Variants in ACADSB observed in about 807,000 individuals in gnomAD.
ACADSB encodes short/branched chain specific acyl-CoA dehydrogenase, mitochondrial.
In ACADSB, 40 loss-of-function variants were observed where a neutral mutation model predicts 54.1. That is an observed-to-expected ratio of 0.74 (90% CI 0.57 to 0.96). The LOEUF (loss-of-function observed/expected upper bound fraction) is 0.96, where lower values mean the gene tolerates loss of function less well. Among genes scored for constraint, ACADSB ranks in the 40% least tolerant of loss-of-function variants. The pLI is 0.00. For synonymous variants in ACADSB, 182 were observed against 182.8 expected (o/e 1.00, Z 0.03); for missense variants, 530 against 510.4 (o/e 1.04, Z -0.37).
At chr10:123,019,864 C>G (rs1850161462) in intron 1 of ACADSB, among the ~76,000 whole-genome samples, 1 of 152,182 alleles carries the variant, frequency 6.6e-6, no homozygotes, top group African/African-American at 2.4e-5. Context: ...CCCCTAACCT[C>G]CTGTCCTGGT....
chr10:123,044,918 A>G (rs981843496), intron 7 of ACADSB, among the ~76,000 whole-genome samples: 2 of 151,792 alleles, frequency 1.3e-5, no homozygotes, highest in Non-Finnish European at 2.9e-5. Context: ...ACTGTTTTGC[A>G]TGTGAAAACT....
At position 123,044,313 on chromosome 10, in the gene ACADSB, C is replaced by T. The variant is rs1487254377; in HGVS notation, c.808-80C>T. The T allele has an allele frequency of 6.6e-6, 8 of 1,213,788 alleles. No individual in the cohort carries two copies. In the Admixed American group the frequency reaches 1.4e-4, roughly 21 times the overall value. 75.2% of individuals were successfully genotyped at this position (1,213,788 alleles called of 1,614,324 possible). On this transcript the variant is annotated intron_variant, in intron 6 of 10. Transcript: ENST00000358776. ...GAGGGCTAGCACACGAATTGAGAGT[C>T]TATGTGTACTTACAAATATATAATC...
In ACADSB at chr10:123,050,944, G is replaced by A. The variant is rs901820261; in HGVS notation, c.991-105G>A. 11 of 1,177,214 alleles carry A rather than the reference G, an allele frequency of 9.3e-6. 1 individual carries two copies. The East Asian group carries it at 1.5e-4, about 16-fold the overall frequency. The allele number at this position is 1,177,214 out of a possible 1,614,324, so 72.9% of individuals were successfully genotyped here. On this transcript the variant is annotated intron_variant, in intron 8 of 10. Transcript: ENST00000358776. ...GACGTGAATGTAAATTTCCTTTGGG[G>A]TGTATTTTGAGTCTGTCAGTGTTGT...
At chr10:123,031,805 G>A (rs976787388) in intron 1 of ACADSB, among the ~76,000 whole-genome samples, 2 of 152,012 alleles carry the variant, frequency 1.3e-5, no homozygotes, top group African/African-American at 2.4e-5. Context: ...AAGTACAATT[G>A]TCTCTGTTAT....
chr10:123,021,691 T>C (rs1201358115), intron 1 of ACADSB, among the ~76,000 whole-genome samples: 2 of 152,234 alleles, frequency 1.3e-5, no homozygotes, highest in African/African-American at 2.4e-5. Context: ...GCCAATCTGC[T>C]AATTGGATTA....
At chr10:123,022,578 T>C (rs1850196996) in intron 1 of ACADSB, among the ~76,000 whole-genome samples, 2 of 152,242 alleles carry the variant, frequency 1.3e-5, no homozygotes, top group African/African-American at 4.8e-5. Flanking sequence ...AATCTGTGAT[T>C]TGAGCTAACT....
intron 6 of ACADSB, 35 bp from the exon 7 acceptor site, chr10:123,044,358 G>A (rs1294035565): frequency 2.7e-6 from 4 of 1,507,498 alleles, no homozygotes; most frequent in Non-Finnish European, 3.7e-6. Flanking sequence ...CATGGAAAAT[G>A]AAACTGAGAA....
rs1324406399 is a variant in ACADSB at position 123,029,370 on chromosome 10, AAAG to A, written c.43-4983_43-4981del. Among the ~76,000 whole-genome samples, 3 of 152,148 alleles carry A rather than the reference AAAG, an allele frequency of 2.0e-5. No individual in the cohort carries two copies. The East Asian group carries it at 5.8e-4, about 29-fold the overall frequency. ...CAAAAAAAAAGAGAAGAAAAAAAAA[AAAG>A]AAAGAAAACAATGCTAACACAGAAC... On this transcript the variant is annotated intron_variant, in intron 1 of 10. Coordinates refer to ENST00000358776, the MANE Select transcript of ACADSB (RefSeq NM_001609.4).
intron 3 of ACADSB, among the ~76,000 whole-genome samples, chr10:123,039,736 T>C (rs1422981675): frequency 6.6e-6 from 1 of 152,234 alleles, no homozygotes; most frequent in Non-Finnish European, 1.5e-5. Context: ...TCTGTTTCCT[T>C]ATTACATTGA....
In ACADSB at chr10:123,041,262, G is replaced by A; in HGVS notation, c.564G>A (p.Leu188=). The A allele has an allele frequency of 6.2e-7, 1 of 1,614,102 alleles. No homozygotes were observed. Among genetic ancestry groups the A allele is most frequent in the Non-Finnish European group, 8.5e-7 (1 of 1,180,008 alleles). The change falls in exon 5 of 11, where the codon TTG becomes TTA. Residue 188 remains leucine, a synonymous_variant. Coordinates refer to ENST00000358776, the MANE Select transcript of ACADSB (RefSeq NM_001609.4). The part of the protein sequence containing the change: ...EAGAGSDSFA[L]KTRADKEGDY... ...GAGCAGGTAGTGACTCATTTGCTTT[G>A]AAGACCAGAGCTGATAAAGAGGGAG... is the stretch of plus-strand genomic sequence containing the variant.
rs750120288 is a variant in ACADSB, at chr10:123,040,568, G to T, written c.406G>T (p.Ala136Ser). The change falls in exon 4 of 11, where the codon GCT (alanine) becomes TCT (serine). Residue 136 changes from alanine (A) to serine (S), a missense_variant. By Grantham distance (99) the Ala-to-Ser change is moderately conservative. Coordinates refer to ENST00000358776, the MANE Select transcript of ACADSB (RefSeq NM_001609.4). ...ATTAGCCAAAGTTGATGCATCTGTG[G>T]CTGTCTTTTGTGAGATCCAGAACAC... ...EELAKVDASVAVFCEIQNTLI... is the reference protein window; with the variant it reads ...EELAKVDASVSVFCEIQNTLI... 3.1e-6 allele frequency: 5 copies of T among 1,614,000 alleles called. No homozygotes were observed. Among genetic ancestry groups the T allele is most frequent in the Non-Finnish European group, 2.5e-6 (3 of 1,179,946 alleles).
At chr10:123,036,761 G>A (rs1170536778) in intron 2 of ACADSB, among the ~76,000 whole-genome samples, 1 of 152,142 alleles carries the variant, frequency 6.6e-6, no homozygotes, top group African/African-American at 2.4e-5. Context: ...AAGCAGTCAG[G>A]AAAGGCTTCC....
intron 2 of ACADSB, 116 bp downstream of exon 2, chr10:123,034,631 C>G (rs919503300): frequency 8.7e-7 from 1 of 1,143,002 alleles, no homozygotes; most frequent in African/African-American, 1.5e-5. Flanking sequence ...CTGCTTCAGC[C>G]TCCTGAATAG....
chr10:123,041,340 A>G lies in ACADSB; in HGVS notation c.642A>G (p.Ala214=). The G allele has an allele frequency of 6.2e-7, 1 of 1,614,226 alleles. No homozygotes were observed. ...TGTGGATCAGCAGTGCTGAGCACGC[A>G]GGGCTCTTTCTGGTGATGGCAAATG... is the stretch of plus-strand genomic sequence containing the variant. ...SKMWISSAEH[A]GLFLVMANVD... Residue 214 remains alanine (A), a synonymous_variant, in exon 5 of 11, where the codon GCA becomes GCG. Transcript: ENST00000358776.
intron 2 of ACADSB, among the ~76,000 whole-genome samples, chr10:123,036,255 T>C (rs1850396829): frequency 1.3e-5 from 2 of 152,182 alleles, no homozygotes; most frequent in Admixed American, 1.3e-4. Flanking sequence ...GCCCAGCTAA[T>C]TTTGTACTTT....
At chr10:123,051,703 T>C (rs1019865622) in intron 9 of ACADSB, among the ~76,000 whole-genome samples, 2 of 152,354 alleles carry the variant, frequency 1.3e-5, no homozygotes, top group Middle Eastern at 3.4e-3. Flanking sequence ...AGACTGAGGC[T>C]AGAGAATTTA....
intron 1 of ACADSB, among the ~76,000 whole-genome samples, chr10:123,031,174 T>C: frequency 6.6e-6 from 1 of 152,246 alleles, no homozygotes; most frequent in East Asian, 1.9e-4. Flanking sequence ...CTGCTAAAAC[T>C]ACTGTAACTT....
chr10:123,053,071 AAAC>A lies in ACADSB; in HGVS notation c.1143_1145del (p.Thr382del). On this transcript the variant is annotated inframe_deletion, in exon 10 of 11. Transcript: ENST00000358776. Reference sequence around the variant, plus strand: ...ACTTGCTTTTGGTAGATTGCAGGACAAACAACGAGTAAATGTATCGAGTGGATG... The same window carrying A: ...ACTTGCTTTTGGTAGATTGCAGGACAAACGAGTAAATGTATCGAGTGGATG... 1.2e-6 allele frequency: 2 copies of A among 1,614,060 alleles called. No individual in the cohort carries two copies. The highest frequency in any genetic ancestry group is 1.7e-6 in the Non-Finnish European group (2 of 1,179,920).
chr10:123,039,743 T>C (rs6599645), intron 3 of ACADSB, among the ~76,000 whole-genome samples: 67,436 of 152,064 alleles, frequency 0.44, 15,202 homozygotes, highest in East Asian at 0.58. Flanking sequence ...CCTTATTACA[T>C]TGAAATCAGC....
Sources: gnomAD v4.1 joint callset for allele counts (sites outside exome capture counted in the v4.1 genomes callset) on GRCh38, gnomAD v4.1.1 for gene constraint, MANE v1.5 for transcripts, NCBI Gene and HGNC (gene_info 2026-07-23, HGNC 2026-07-21) for gene names.